Variants in ZBTB46 observed in about 807,000 individuals in gnomAD.
The protein encoded by ZBTB46 is zinc finger and BTB domain-containing protein 46.
ZBTB46 carries 8 observed loss-of-function variants against 44.1 expected under a neutral mutation model. That is an observed-to-expected ratio of 0.18 (90% CI 0.11 to 0.33). The LOEUF is 0.33. Among genes scored for constraint, ZBTB46 ranks in the 10% least tolerant of loss-of-function variants. The pLI, the probability that ZBTB46 is intolerant of heterozygous loss-of-function variation, is 1.00. For missense variants in ZBTB46, 651 were observed against 847.7 expected (o/e 0.77, Z 2.88); for synonymous variants, 409 against 382.3 (o/e 1.07, Z -0.81).
Position 63,777,070 on chromosome 20 carries a change from C to CA in ZBTB46, c.938-1109_938-1108insT, listed in dbSNP as rs1568856950. Reference sequence around the variant, plus strand: ...CACCACACGCCACGGTTCCAGCACACGCCACGGTTCCACCACACGCCACGG... The same window carrying CA: ...CACCACACGCCACGGTTCCAGCACACAGCCACGGTTCCACCACACGCCACGG... On this transcript the variant is annotated intron_variant, in intron 2 of 4. Transcript: ENST00000245663. Among the ~76,000 whole-genome samples the CA allele has an allele frequency of 1.5e-3, 65 of 43,576 alleles. 3 individuals carry two copies. Among genetic ancestry groups the CA allele is most frequent in the Admixed American group, 2.1e-3 (8 of 3,752 alleles). The allele number at this position is 43,576 out of a possible 152,430, so 28.6% of individuals were successfully genotyped here.
intron 1 of ZBTB46, chr20:63,815,298 AAGGTGCAGTGGGTGCAGATGGGCAC>A (rs1301189425): frequency 9.0e-6 from 2 of 222,008 alleles, no homozygotes; most frequent in African/African-American, 5.6e-5. Context: ...GCAGTGGGCA[AAGGTGCAGTGGGTGCAGATGGGCAC>A]AGGTGCAGGT....
chr20:63,772,206 G>A (rs909960084), intron 3 of ZBTB46, among the ~76,000 whole-genome samples: 1 of 151,982 alleles, frequency 6.6e-6, no homozygotes, highest in Non-Finnish European at 1.5e-5. Flanking sequence ...ATGTTGGCCA[G>A]GCTGGTCTTG....
intron 1 of ZBTB46, among the ~76,000 whole-genome samples, chr20:63,794,537 T>TTAAG (rs1370346555): frequency 6.6e-6 from 1 of 152,202 alleles, no homozygotes; most frequent in Admixed American, 6.5e-5. Flanking sequence ...TACGGAAATA[T>TTAAG]TAAGAATACA....
chr20:63,807,958 GA>G (rs879526518), intron 1 of ZBTB46: 2,612 of 147,788 alleles, frequency 0.018, 105 homozygotes, highest in East Asian at 0.063. Context: ...CTTCCCACAG[GA>G]GACACTCACG....
Position 63,763,513 on chromosome 20 carries a change from A to C in ZBTB46, c.1223-10652T>G, listed in dbSNP as rs558906339. ...AGCGAGCGTTTCACAGGACAGGAGC[A>C]GGAGCAAGACGGAGGGTCATGGGGG... is the stretch of plus-strand genomic sequence containing the variant. On this transcript the variant is annotated intron_variant, in intron 3 of 4. Coordinates refer to ENST00000245663, the MANE Select transcript of ZBTB46 (RefSeq NM_001369741.1). Among the ~76,000 whole-genome samples the C allele has an allele frequency of 5.5e-3, 832 of 152,298 alleles. 4 individuals are homozygous for C. Among genetic ancestry groups the C allele is most frequent in the Non-Finnish European group, 9.9e-3 (676 of 68,014 alleles).
intron 2 of ZBTB46, among the ~76,000 whole-genome samples, chr20:63,779,707 C>A (rs900607449): frequency 1.3e-5 from 2 of 151,452 alleles, no homozygotes; most frequent in African/African-American, 4.9e-5. Flanking sequence ...GGCCTGTGAG[C>A]CACCGCGCCC....
chr20:63,761,094 G>A (rs2092271275), intron 3 of ZBTB46, among the ~76,000 whole-genome samples: 1 of 147,774 alleles, frequency 6.8e-6, no homozygotes. Context: ...CGCCTCCCAG[G>A]TTCAAGCAAT....
chr20:63,748,098 T>TGACTCCA (rs2092122539), intron 4 of ZBTB46, among the ~76,000 whole-genome samples: 1 of 151,946 alleles, frequency 6.6e-6, no homozygotes, highest in African/African-American at 2.4e-5. Context: ...AGCCCGACCC[T>TGACTCCA]GACTCCAGGA....
chr20:63,769,397 A>C (rs1004976212), intron 3 of ZBTB46: 4 of 985,266 alleles, frequency 4.1e-6, no homozygotes, highest in Admixed American at 6.2e-5. Context: ...GGAACACAGG[A>C]AAGGAGGAGT....
intron 1 of ZBTB46, among the ~76,000 whole-genome samples, chr20:63,797,056 G>A (rs762439469): frequency 2.6e-5 from 4 of 151,998 alleles, no homozygotes; most frequent in South Asian, 2.1e-4. Flanking sequence ...TGTGCACAAC[G>A]TGCAGGTTTG....
chr20:63,748,769 G>C (rs1002421919), intron 4 of ZBTB46, among the ~76,000 whole-genome samples: 2 of 152,256 alleles, frequency 1.3e-5, no homozygotes, highest in African/African-American at 4.8e-5. Context: ...CTCTGAGGCT[G>C]CACGGAGAAC....
upstream of ZBTB46, among the ~76,000 whole-genome samples, chr20:63,832,630 G>A (rs1293529701): frequency 6.6e-6 from 1 of 152,184 alleles, no homozygotes; most frequent in African/African-American, 2.4e-5. The surrounding 1 kb of genome is among the most constrained non-coding windows in gnomAD (Gnocchi z 5.0). Context: ...GCGGGCGCCT[G>A]GAAATGGCTG....
At position 63,744,582 on chromosome 20, in the gene ZBTB46, CAT is replaced by C. The variant is rs112583493; in HGVS notation, c.*2346_*2347del. ...CATCGATTTAAAAAAAAATCAGTCA[CAT>C]AAAAAAAACCCTTCATGACATGTCT... On this transcript the variant is annotated 3_prime_UTR_variant, in exon 5 of 5. Transcript: ENST00000245663. The C allele has an allele frequency of 1.2e-4, 19 of 152,308 alleles. No individual in the cohort carries two copies. The highest frequency in any genetic ancestry group is 4.6e-4 in the African/African-American group (19 of 41,500). 9.4% of individuals were successfully genotyped at this position (152,308 alleles called of 1,614,324 possible). A position where few individuals can be genotyped will look rare whatever the true frequency, so the allele number is the denominator to read the frequency against.
intron 1 of ZBTB46, among the ~76,000 whole-genome samples, chr20:63,826,493 C>G (rs1482775167): frequency 1.3e-5 from 2 of 151,028 alleles, no homozygotes; most frequent in African/African-American, 4.9e-5. Context: ...GAGGCCGAGG[C>G]GGGTGAATCA....
At chr20:63,753,702 G>A (rs1043465358) in intron 3 of ZBTB46, among the ~76,000 whole-genome samples, 1 of 152,260 alleles carries the variant, frequency 6.6e-6, no homozygotes, top group South Asian at 2.1e-4. Context: ...ACTTGCTGCT[G>A]TGCAGGACAT....
chr20:63,785,834 A>G (rs1444842790), intron 2 of ZBTB46, among the ~76,000 whole-genome samples: 1 of 152,188 alleles, frequency 6.6e-6, no homozygotes, highest in Non-Finnish European at 1.5e-5. Flanking sequence ...ACTCGGAATA[A>G]TCTAATGGAA....
intron 3 of ZBTB46, 196 bp downstream of exon 3, chr20:63,775,482 A>C: frequency 1.5e-6 from 1 of 647,172 alleles, no homozygotes; most frequent in Non-Finnish European, 2.4e-6. Context: ...TCCTCACTCT[A>C]AAGCCAGCCC....
intron 4 of ZBTB46, among the ~76,000 whole-genome samples, chr20:63,751,622 C>T (rs1270268000): frequency 3.3e-5 from 5 of 151,854 alleles, no homozygotes; most frequent in Non-Finnish European, 7.4e-5. Flanking sequence ...TTCCGCCCCC[C>T]AGTGGGTCTC....
At chr20:63,759,270 C>T (rs1351167121) in intron 3 of ZBTB46, among the ~76,000 whole-genome samples, 1 of 116,884 alleles carries the variant, frequency 8.6e-6, no homozygotes, top group African/African-American at 4.1e-5. Context: ...GGCTGTATAT[C>T]CAGTATATTT....
Sources: allele counts gnomAD v4.1 joint callset (sites outside exome capture counted in the v4.1 genomes callset), GRCh38; gene constraint gnomAD v4.1.1; non-coding constraint Gnocchi (gnomAD v3.1); transcripts MANE v1.5; gene names NCBI Gene and HGNC (gene_info 2026-07-23, HGNC 2026-07-21).